SMOC2: variants seen among roughly 807,000 people sequenced by gnomAD.
SMOC2 encodes SPARC-related modular calcium-binding protein 2.
A neutral mutation model predicts 61.4 loss-of-function variants in SMOC2; 39 were observed. The observed-to-expected ratio is 0.64, with a 90% CI of 0.49 to 0.83. The LOEUF (loss-of-function observed/expected upper bound fraction) is 0.83. SMOC2 is among the 40% of genes least tolerant of loss of function. The probability of loss-of-function intolerance (pLI) is 0.00; values close to 1 mark genes in which losing one functional copy is unlikely to be tolerated. For synonymous variants in SMOC2, 247 were observed against 239.9 expected (o/e 1.03, Z -0.27); for missense variants, 556 against 592.9 (o/e 0.94, Z 0.65).
At chr6:168,445,669 A>C (rs1339450944) in intron 1 of SMOC2, among the ~76,000 whole-genome samples, 5 of 152,038 alleles carry the variant, frequency 3.3e-5, no homozygotes, top group African/African-American at 1.2e-4. Context: ...AGTCCATTTC[A>C]TGCTCTGGGA....
chr6:168,634,972 C>G (rs1392482766), intron 9 of SMOC2, among the ~76,000 whole-genome samples: 2 of 152,316 alleles, frequency 1.3e-5, no homozygotes, highest in East Asian at 1.9e-4. Flanking sequence ...TTCAGATGCT[C>G]ATTTAAACAA....
chr6:168,500,203 C>G (rs1212970916), intron 1 of SMOC2, among the ~76,000 whole-genome samples: 1 of 149,694 alleles, frequency 6.7e-6, no homozygotes, highest in Non-Finnish European at 1.5e-5. Context: ...AGGAGAATCA[C>G]TTGAACCCAG....
At chr6:168,597,370 G>T (rs1785360073) in intron 7 of SMOC2, among the ~76,000 whole-genome samples, 1 of 152,160 alleles carries the variant, frequency 6.6e-6, no homozygotes, top group African/African-American at 2.4e-5. Flanking sequence ...TATCTCAAAA[G>T]AAATTTATTG....
intron 8 of SMOC2, among the ~76,000 whole-genome samples, chr6:168,605,335 TG>T: frequency 6.6e-6 from 1 of 152,278 alleles, no homozygotes; most frequent in East Asian, 1.9e-4. Context: ...GGCATAGGAC[TG>T]CATTTCTCCC....
intron 7 of SMOC2, among the ~76,000 whole-genome samples, chr6:168,595,670 G>A (rs1368798795): frequency 6.6e-6 from 1 of 151,888 alleles, no homozygotes; most frequent in Non-Finnish European, 1.5e-5. Context: ...AGGTTTATCA[G>A]GTAAAATTGC....
intron 1 of SMOC2, among the ~76,000 whole-genome samples, chr6:168,490,148 TCCC>T (rs1782439612): frequency 1.3e-5 from 2 of 149,118 alleles, no homozygotes; most frequent in African/African-American, 5.0e-5. Context: ...ATCGTCTGGG[TCCC>T]CTTGGATCAC....
intron 7 of SMOC2, among the ~76,000 whole-genome samples, chr6:168,583,658 T>G (rs1583132234): frequency 6.6e-6 from 1 of 152,016 alleles, no homozygotes; most frequent in Non-Finnish European, 1.5e-5. Context: ...ACAAGCAAAT[T>G]TGGAGCCTCC....
At chr6:168,596,551 G>T (rs1785340463) in intron 7 of SMOC2, among the ~76,000 whole-genome samples, 1 of 152,240 alleles carries the variant, frequency 6.6e-6, no homozygotes, top group African/African-American at 2.4e-5. Context: ...CCCGGGTGCT[G>T]CTGGAGAGGC....
At chr6:168,556,041 CT>C (rs1419251402) in intron 7 of SMOC2, among the ~76,000 whole-genome samples, 2 of 152,188 alleles carry the variant, frequency 1.3e-5, no homozygotes, top group African/African-American at 4.8e-5. Flanking sequence ...GGCCTGGGGC[CT>C]CGGGCCATGC....
intron 7 of SMOC2, among the ~76,000 whole-genome samples, chr6:168,568,544 AAT>A (rs1347605564): frequency 1.3e-5 from 2 of 152,314 alleles, no homozygotes; most frequent in South Asian, 2.1e-4. Context: ...ACAAATGTAT[AAT>A]GACAGGTACC....
At chr6:168,446,587 G>A (rs1781338375) in intron 1 of SMOC2, among the ~76,000 whole-genome samples, 1 of 152,094 alleles carries the variant, frequency 6.6e-6, no homozygotes, top group African/African-American at 2.4e-5. Flanking sequence ...TAATATATTG[G>A]ATATTTAACT....
chr6:168,627,011 A>G (rs972470364), intron 9 of SMOC2, among the ~76,000 whole-genome samples: 2 of 152,184 alleles, frequency 1.3e-5, no homozygotes, highest in African/African-American at 2.4e-5. Flanking sequence ...GGAGCTTCTC[A>G]TTTAACCAGC....
intron 9 of SMOC2, among the ~76,000 whole-genome samples, chr6:168,637,508 T>C (rs1562397418): frequency 6.6e-6 from 1 of 152,232 alleles, no homozygotes; most frequent in Non-Finnish European, 1.5e-5. Context: ...ACAATACTTT[T>C]AAGAAACAAA....
At chr6:168,624,852 GACAC>G (rs1052221054) in intron 9 of SMOC2, among the ~76,000 whole-genome samples, 15 of 136,326 alleles carry the variant, frequency 1.1e-4, no homozygotes, top group South Asian at 2.5e-4. Flanking sequence ...CAGGCACACA[GACAC>G]ACACACATTC....
chr6:168,624,884 AAC>A (rs1223265096), intron 9 of SMOC2, among the ~76,000 whole-genome samples: 2 of 142,828 alleles, frequency 1.4e-5, no homozygotes, highest in African/African-American at 5.2e-5. Context: ...CACACACACA[AAC>A]ACAGATACAT....
intron 2 of SMOC2, among the ~76,000 whole-genome samples, chr6:168,518,379 G>T (rs1018940512): frequency 6.6e-6 from 1 of 151,128 alleles, no homozygotes; most frequent in East Asian, 1.9e-4. Context: ...CATGTGCATT[G>T]TGTGCATGTG....
At chr6:168,497,325 C>A (rs918028854) in intron 1 of SMOC2, among the ~76,000 whole-genome samples, 2 of 152,266 alleles carry the variant, frequency 1.3e-5, no homozygotes, top group East Asian at 3.9e-4. Flanking sequence ...TAGCCTCCAG[C>A]CCTGACAACA....
chr6:168,532,295 A>G (rs1000136769), intron 4 of SMOC2, among the ~76,000 whole-genome samples: 4 of 152,188 alleles, frequency 2.6e-5, no homozygotes, highest in Non-Finnish European at 4.4e-5. Flanking sequence ...CAGGGTTCAC[A>G]CTACATAACA....
At chr6:168,655,978 A>G in intron 11 of SMOC2, among the ~76,000 whole-genome samples, 1 of 152,092 alleles carries the variant, frequency 6.6e-6, no homozygotes, top group East Asian at 1.9e-4. Context: ...ATCCCACTGT[A>G]CACGTGTACT....
Sources: allele counts gnomAD v4.1 joint callset (sites outside exome capture counted in the v4.1 genomes callset), GRCh38; gene constraint gnomAD v4.1.1; transcripts MANE v1.5; gene names NCBI Gene and HGNC (gene_info 2026-07-23, HGNC 2026-07-21).